The following DAB1 variants were observed in gnomAD, a reference collection of about 807,000 sequenced individuals.
The protein encoded by DAB1 is DAB adaptor protein 1, also known as disabled homolog 1.
DAB1 carries 15 observed loss-of-function variants against 64.6 expected under a neutral mutation model. The observed-to-expected ratio is 0.23, with a 90% CI of 0.16 to 0.36. The LOEUF (loss-of-function observed/expected upper bound fraction) is 0.36, where lower values mean the gene tolerates loss of function less well. Among genes scored for constraint, DAB1 ranks in the 10% least tolerant of loss-of-function variants. The probability of loss-of-function intolerance (pLI) is 1.00; values close to 1 mark genes in which losing one functional copy is unlikely to be tolerated. For missense variants in DAB1, 596 were observed against 706.7 expected, an observed-to-expected ratio of 0.84 and a Z score of 1.78; for synonymous variants, 235 against 251.9, an observed-to-expected ratio of 0.93 and a Z score of 0.64.
intron 7 of DAB1, among the ~76,000 whole-genome samples, chr1:57,455,787 T>C (rs1279173203): frequency 2.0e-5 from 3 of 151,970 alleles, no homozygotes; most frequent in African/African-American, 7.3e-5. Context: ...GAAAAGACCC[T>C]CTCTCCTAAT....
intron 5 of DAB1, among the ~76,000 whole-genome samples, chr1:57,072,025 GAAAGGA>G (rs1267108741): frequency 8.1e-6 from 1 of 123,474 alleles, no homozygotes; most frequent in Non-Finnish European, 1.7e-5. Context: ...AGTTTAACCA[GAAAGGA>G]AAATAATTAG....
rs77402051 is a variant in DAB1, at chr1:57,092,753, G to A, written c.307-20339C>T. Among the ~76,000 whole-genome samples, 694 of 151,720 alleles carry A rather than the reference G, an allele frequency of 4.6e-3. 2 individuals are homozygous for A. Among genetic ancestry groups the A allele is most frequent in the Non-Finnish European group, 7.9e-3 (536 of 67,918 alleles). On this transcript the variant is annotated intron_variant, in intron 4 of 14. Coordinates refer to ENST00000371236, the MANE Select transcript of DAB1 (RefSeq NM_001365792.1). ...AGAGGGGAAGTGCAGGGTGACGGGG[G>A]AAGCCATGGGAGAAGTCTCTGACAG... is the stretch of plus-strand genomic sequence containing the variant.
intron 5 of DAB1, among the ~76,000 whole-genome samples, chr1:58,091,631 G>GCCTT (rs1650661726): frequency 6.6e-6 from 1 of 152,048 alleles, no homozygotes; most frequent in African/African-American, 2.4e-5. Flanking sequence ...GGCATTACAG[G>GCCTT]CCAACTCTCC....
chr1:58,232,496 C>CACAG (rs1553169168), intron 4 of DAB1, among the ~76,000 whole-genome samples: 1 of 147,702 alleles, frequency 6.8e-6, no homozygotes, highest in African/African-American at 2.7e-5. Context: ...CACACACACA[C>CACAG]ACACACACAC....
chr1:57,057,733 A>G (rs899252941), intron 9 of DAB1, among the ~76,000 whole-genome samples: 11 of 150,514 alleles, frequency 7.3e-5, no homozygotes, highest in South Asian at 4.2e-4. Flanking sequence ...TCAGCCTCCC[A>G]AGCAGCTGGG....
At chr1:58,178,767 C>T (rs1193836833) in intron 4 of DAB1, among the ~76,000 whole-genome samples, 3 of 152,052 alleles carry the variant, frequency 2.0e-5, no homozygotes, top group Non-Finnish European at 2.9e-5. Context: ...ATGTAAAATC[C>T]ATTCTTGTTT....
intron 5 of DAB1, among the ~76,000 whole-genome samples, chr1:58,138,574 T>C (rs1312567030): frequency 6.6e-6 from 1 of 152,104 alleles, no homozygotes; most frequent in Non-Finnish European, 1.5e-5. Context: ...CATGGGGCAC[T>C]GGGCTTGAAA....
At chr1:58,372,438 CAGGCT>C (rs1644273379) in intron 3 of DAB1, among the ~76,000 whole-genome samples, 1 of 152,168 alleles carries the variant, frequency 6.6e-6, no homozygotes, top group Non-Finnish European at 1.5e-5. Flanking sequence ...TTTGATTTTA[CAGGCT>C]CAGAGGTGGA....
intron 5 of DAB1, among the ~76,000 whole-genome samples, chr1:57,998,272 A>C (rs1214590120): frequency 6.6e-6 from 1 of 152,184 alleles, no homozygotes; most frequent in Non-Finnish European, 1.5e-5. Context: ...CAAGTGCCTC[A>C]GCTCCCTCAG....
At chr1:57,277,713 T>G (rs1671578124) in intron 2 of DAB1, among the ~76,000 whole-genome samples, 2 of 152,202 alleles carry the variant, frequency 1.3e-5, no homozygotes, top group Non-Finnish European at 2.9e-5. Context: ...TGATCCTTTT[T>G]AGGATCACAT....
At chr1:57,545,276 T>C (rs1644844154) in intron 7 of DAB1, among the ~76,000 whole-genome samples, 1 of 152,230 alleles carries the variant, frequency 6.6e-6, no homozygotes, top group Non-Finnish European at 1.5e-5. Flanking sequence ...TCCAGTTCTT[T>C]TCTATCCTCC....
At chr1:57,937,428 G>A (rs1371964211) in intron 5 of DAB1, among the ~76,000 whole-genome samples, 1 of 152,128 alleles carries the variant, frequency 6.6e-6, no homozygotes, top group Admixed American at 6.5e-5. Flanking sequence ...AGCTGAGCTA[G>A]AGTTGCATTT....
intron 7 of DAB1, among the ~76,000 whole-genome samples, chr1:57,537,469 A>G (rs1644744379): frequency 6.6e-6 from 1 of 152,214 alleles, no homozygotes; most frequent in African/African-American, 2.4e-5. Flanking sequence ...CTCACTGTAT[A>G]TCAAAATCGC....
At chr1:58,378,935 C>G (rs1439430905) in intron 3 of DAB1, among the ~76,000 whole-genome samples, 3 of 95,838 alleles carry the variant, frequency 3.1e-5, no homozygotes, top group African/African-American at 1.9e-4. Context: ...TGGGAGTGAC[C>G]CGATTTTCCA....
At chr1:58,379,583 A>G (rs941385450) in intron 3 of DAB1, among the ~76,000 whole-genome samples, 1 of 152,234 alleles carries the variant, frequency 6.6e-6, no homozygotes, top group Admixed American at 6.5e-5. Flanking sequence ...AAAGTAGACA[A>G]ATTCTTTGTT....
At chr1:57,220,546 C>T (rs181968023) in intron 2 of DAB1, among the ~76,000 whole-genome samples, 87 of 152,206 alleles carry the variant, frequency 5.7e-4, no homozygotes, top group African/African-American at 2.1e-3. Flanking sequence ...GAAACAGAGC[C>T]TTAGAGAAGT....
intron 2 of DAB1, among the ~76,000 whole-genome samples, chr1:57,250,424 T>C (rs1669248439): frequency 6.6e-6 from 1 of 152,156 alleles, no homozygotes; most frequent in Non-Finnish European, 1.5e-5. Flanking sequence ...GAGGAGGTAC[T>C]CCAGTCTAGG....
At chr1:58,486,933 C>T (rs937761239) in intron 3 of DAB1, among the ~76,000 whole-genome samples, 13 of 152,206 alleles carry the variant, frequency 8.5e-5, no homozygotes, top group African/African-American at 3.1e-4. Context: ...GAGAGCTAGG[C>T]AGTGGCCAAA....
intron 2 of DAB1, among the ~76,000 whole-genome samples, chr1:57,275,574 C>T (rs1671394175): frequency 6.6e-6 from 1 of 152,230 alleles, no homozygotes; most frequent in Admixed American, 6.5e-5. Flanking sequence ...TCTATTTTTA[C>T]ATTTCATCGC....
Sources: gnomAD v4.1 joint callset for allele counts (sites outside exome capture counted in the v4.1 genomes callset) on GRCh38, gnomAD v4.1.1 for gene constraint, MANE v1.5 for transcripts, NCBI Gene and HGNC (gene_info 2026-07-23, HGNC 2026-07-21) for gene names.